The following FHIT variants were observed in gnomAD, a reference collection of about 807,000 sequenced individuals.
The protein encoded by FHIT is bis(5'-adenosyl)-triphosphatase.
Under a neutral mutation model 17.9 loss-of-function variants are expected in FHIT, and 19 were observed. The observed-to-expected ratio is 1.06, with a 90% CI of 0.74 to 1.56. The LOEUF (loss-of-function observed/expected upper bound fraction) is 1.56. FHIT is among the 40% of genes most tolerant of loss of function. The pLI is 0.00. For synonymous variants in FHIT, 81 were observed against 69.7 expected, an observed-to-expected ratio of 1.16 and a Z score of -0.81; for missense variants, 248 against 189.2, an observed-to-expected ratio of 1.31 and a Z score of -1.82.
intron 4 of FHIT, among the ~76,000 whole-genome samples, chr3:60,642,911 T>C (rs1359652165): frequency 6.6e-6 from 1 of 152,186 alleles, no homozygotes; most frequent in African/African-American, 2.4e-5. Flanking sequence ...AACTTTCCCA[T>C]GTTCACTAAT....
At chr3:60,475,305 T>A (rs78146754) in intron 5 of FHIT, among the ~76,000 whole-genome samples, 5,708 of 152,226 alleles carry the variant, frequency 0.037, 349 homozygotes, top group African/African-American at 0.13. Flanking sequence ...TTAAATGTTT[T>A]TCTCCCTTAG....
intron 3 of FHIT, among the ~76,000 whole-genome samples, chr3:60,843,690 GTAAAAATCCTATAC>G (rs1257921047): frequency 6.6e-6 from 1 of 152,160 alleles, no homozygotes; most frequent in Non-Finnish European, 1.5e-5. Flanking sequence ...TGCAAGCATA[GTAAAAATCCTATAC>G]TTGTTTGAAA....
In FHIT at chr3:61,014,808, A is replaced by AAAAAAAAAAAAAAT. The variant is rs1156410696; in HGVS notation, c.-111+27238_-111+27239insATTTTTTTTTTTTT. ...AAAAAAAAAAAAAAAAAAAAAAAAA[A>AAAAAAAAAAAAAAT]TATATATATATATATATGTATACAC... On this transcript the variant is annotated intron_variant, in intron 3 of 9. Coordinates refer to ENST00000492590, the MANE Select transcript of FHIT (RefSeq NM_002012.4). Among the ~76,000 whole-genome samples, 23 of 26,972 alleles carry AAAAAAAAAAAAAAT rather than the reference A, an allele frequency of 8.5e-4. 4 individuals are homozygous for AAAAAAAAAAAAAAT. The highest frequency in any genetic ancestry group is 1.6e-3 in the East Asian group (2 of 1,240). The allele number at this position is 26,972 out of a possible 152,430, so 17.7% of individuals were successfully genotyped here.
intron 3 of FHIT, among the ~76,000 whole-genome samples, chr3:60,966,549 A>T (rs1359182064): frequency 6.6e-6 from 1 of 152,206 alleles, no homozygotes; most frequent in African/African-American, 2.4e-5. Context: ...CGCTGTTCCT[A>T]TTCAGCCATC....
At chr3:60,133,096 T>C (rs1463698349) in intron 5 of FHIT, among the ~76,000 whole-genome samples, 1 of 152,128 alleles carries the variant, frequency 6.6e-6, no homozygotes, top group Non-Finnish European at 1.5e-5. Flanking sequence ...AAAAAGCTAA[T>C]GGAAATCCGG....
At chr3:60,874,511 A>G (rs1487282298) in intron 3 of FHIT, among the ~76,000 whole-genome samples, 1 of 152,166 alleles carries the variant, frequency 6.6e-6, no homozygotes, top group Non-Finnish European at 1.5e-5. Flanking sequence ...GTTAAGAATC[A>G]TTGCCATATG....
intron 4 of FHIT, among the ~76,000 whole-genome samples, chr3:60,550,446 A>G (rs2036508508): frequency 6.6e-6 from 1 of 152,198 alleles, no homozygotes; most frequent in Non-Finnish European, 1.5e-5. Flanking sequence ...TTAGTGAAGT[A>G]TATTAAGTCA....
At chr3:60,875,849 G>A (rs370187748) in intron 3 of FHIT, among the ~76,000 whole-genome samples, 3 of 151,466 alleles carry the variant, frequency 2.0e-5, no homozygotes, top group Admixed American at 6.6e-5. Context: ...ACATAGAATT[G>A]AGAAGACAGC....
chr3:60,394,685 C>T (rs66636226), intron 5 of FHIT, among the ~76,000 whole-genome samples: 36,692 of 152,028 alleles, frequency 0.24, 4,719 homozygotes, highest in East Asian at 0.47. Context: ...TAAAGGTCTG[C>T]TGTGAGAATT....
At chr3:60,351,341 C>T (rs921217619) in intron 5 of FHIT, among the ~76,000 whole-genome samples, 1 of 152,180 alleles carries the variant, frequency 6.6e-6, no homozygotes, top group African/African-American at 2.4e-5. Context: ...ACGCAAGCCA[C>T]CTCATCTCAC....
chr3:59,800,860 G>A (rs976867285), intron 8 of FHIT, among the ~76,000 whole-genome samples: 1 of 152,156 alleles, frequency 6.6e-6, no homozygotes, highest in Non-Finnish European at 1.5e-5. Flanking sequence ...GGGAGGGTGA[G>A]AGAGGGAAGG....
At chr3:60,360,192 T>C (rs1221261512) in intron 5 of FHIT, among the ~76,000 whole-genome samples, 1 of 151,932 alleles carries the variant, frequency 6.6e-6, no homozygotes, top group Admixed American at 6.6e-5. Flanking sequence ...AATCAAACTA[T>C]TAAACACTAA....
intron 4 of FHIT, among the ~76,000 whole-genome samples, chr3:60,666,548 A>T (rs1162465627): frequency 6.6e-6 from 1 of 152,178 alleles, no homozygotes; most frequent in Non-Finnish European, 1.5e-5. Flanking sequence ...ATTAATTATG[A>T]TATATCATAG....
chr3:60,783,248 A>T (rs1397477153), intron 4 of FHIT, among the ~76,000 whole-genome samples: 8 of 152,134 alleles, frequency 5.3e-5, no homozygotes, highest in Admixed American at 2.0e-4. Flanking sequence ...TGGGTGACAC[A>T]TACATTCAAA....
intron 3 of FHIT, among the ~76,000 whole-genome samples, chr3:60,917,091 C>G (rs1707043914): frequency 6.6e-6 from 1 of 152,220 alleles, no homozygotes; most frequent in Admixed American, 6.5e-5. Flanking sequence ...AGCACCATCT[C>G]AAAAACAACT....
chr3:59,886,127 C>A (rs1304117173), intron 8 of FHIT: 2 of 152,204 alleles, frequency 1.3e-5, no homozygotes, highest in African/African-American at 4.8e-5. Flanking sequence ...GGTTACAGAA[C>A]AATTTCTACC....
Position 60,045,293 on chromosome 3 carries a change from G to C in FHIT, c.104-31141C>G, listed in dbSNP as rs565937580. Among the ~76,000 whole-genome samples the C allele has an allele frequency of 3.7e-4, 56 of 152,254 alleles. No homozygotes were observed. The South Asian group carries it at 0.011, about 31-fold the overall frequency. ...GACTGGGCAATTTACAAAAGAAAGA[G>C]GTTTAATGGACTTACAGTTCCACAT... On this transcript the variant is annotated intron_variant, in intron 5 of 9. Transcript: ENST00000492590.
chr3:59,814,719 A>T (rs919778467), intron 8 of FHIT, among the ~76,000 whole-genome samples: 2 of 152,132 alleles, frequency 1.3e-5, no homozygotes, highest in African/African-American at 2.4e-5. Context: ...GGCCTGTGCT[A>T]GGAGCTTGAA....
At chr3:60,956,343 T>C (rs1709158397) in intron 3 of FHIT, among the ~76,000 whole-genome samples, 1 of 152,318 alleles carries the variant, frequency 6.6e-6, no homozygotes. Context: ...CCAGGCCTTA[T>C]GAAGAACCAG....
Sources: allele counts gnomAD v4.1 joint callset (sites outside exome capture counted in the v4.1 genomes callset), GRCh38; gene constraint gnomAD v4.1.1; transcripts MANE v1.5; gene names NCBI Gene and HGNC (gene_info 2026-07-23, HGNC 2026-07-21).